Variants in HPR observed in about 807,000 individuals in gnomAD.
The protein encoded by HPR is Haptoglobin-related locus.
Under a neutral mutation model 18.5 loss-of-function variants are expected in HPR, and 17 were observed. The ratio of observed to expected loss-of-function variants is 0.92; its 90% CI spans 0.63 to 1.38. HPR has a LOEUF of 1.38. Among genes scored for constraint, HPR ranks in the 40% most tolerant of loss-of-function variants. The pLI, the probability that HPR is intolerant of heterozygous loss-of-function variation, is 0.00. For missense variants in HPR, 457 were observed against 432.4 expected (o/e 1.06, Z -0.51); for synonymous variants, 176 against 165.0 (o/e 1.07, Z -0.51).
intron 1 of HPR, among the ~76,000 whole-genome samples, chr16:72,073,404 T>C (rs1296656380): frequency 6.6e-5 from 10 of 152,172 alleles, no homozygotes; most frequent in African/African-American, 1.7e-4. Flanking sequence ...TCTTTGATTA[T>C]GGAAAATTTC....
rs1411255144 is a variant in HPR at position 72,076,506 on chromosome 16, G to A, written c.472G>A (p.Asp158Asn). 2 of 1,614,152 alleles carry A rather than the reference G, an allele frequency of 1.2e-6. No homozygotes were observed. The highest frequency in any genetic ancestry group is 1.7e-6 in the Non-Finnish European group (2 of 1,180,000). ...CCATTCAGAAAATGCAACAGCGAAA[G>A]ACATTGCCCCTACTTTAACACTCTA... is the stretch of plus-strand genomic sequence containing the variant. The part of the protein sequence containing the change: ...LNHSENATAK[D>N]IAPTLTLYVG... Residue 158 changes from aspartate (D) to asparagine (N), a missense_variant, in exon 5 of 5, where the codon GAC (aspartate) becomes AAC (asparagine). Physicochemically the swap from Asp to Asn is conservative, Grantham distance 23. Transcript: ENST00000540303.
intron 1 of HPR, among the ~76,000 whole-genome samples, chr16:72,069,619 T>C (rs1437558380): frequency 6.6e-6 from 1 of 152,162 alleles, no homozygotes; most frequent in Non-Finnish European, 1.5e-5. Flanking sequence ...ACACTGGGGA[T>C]CCCAAGCCAT....
At chr16:72,064,338 G>A (rs1467076266) in intron 1 of HPR, among the ~76,000 whole-genome samples, 3 of 152,076 alleles carry the variant, frequency 2.0e-5, no homozygotes, top group Non-Finnish European at 4.4e-5. Flanking sequence ...TTTGTTTCCT[G>A]CTTTCAAGGC....
chr16:72,076,959 G>C lies in HPR; in HGVS notation c.925G>C (p.Asp309His). 6.2e-7 allele frequency: 1 copy of C among 1,614,238 alleles called. No individual in the cohort carries two copies. Among genetic ancestry groups the C allele is most frequent in the South Asian group, 1.1e-5 (1 of 91,086 alleles). ...CTTTGCCGTTCACGACCTGGAGGAG[G>C]ACACCTGGTACGCGGCTGGGATCCT... ...SAFAVHDLEE[D>H]TWYAAGILSF... The change falls in exon 5 of 5, where the codon GAC becomes CAC. Residue 309 changes from aspartate to histidine, a missense_variant. Transcript: ENST00000540303.
chr16:72,073,405 G>C (rs772131081), intron 1 of HPR, among the ~76,000 whole-genome samples: 9 of 152,250 alleles, frequency 5.9e-5, no homozygotes, highest in Admixed American at 1.3e-4. Flanking sequence ...CTTTGATTAT[G>C]GAAAATTTCA....
intron 1 of HPR, among the ~76,000 whole-genome samples, chr16:72,069,407 T>G (rs1016390732): frequency 6.6e-6 from 1 of 152,150 alleles, no homozygotes; most frequent in Non-Finnish European, 1.5e-5. Flanking sequence ...AAGCTGCTGT[T>G]TCCTCCGAAA....
At chr16:72,070,622 T>A (rs1272962296) in intron 1 of HPR, among the ~76,000 whole-genome samples, 2 of 152,200 alleles carry the variant, frequency 1.3e-5, no homozygotes, top group Non-Finnish European at 2.9e-5. Flanking sequence ...AATCACTTGT[T>A]TATTTTTTCT....
intron 1 of HPR, among the ~76,000 whole-genome samples, chr16:72,072,930 T>C (rs2041672769): frequency 6.6e-6 from 1 of 152,234 alleles, no homozygotes; most frequent in African/African-American, 2.4e-5. Flanking sequence ...CTTTGCTCCC[T>C]GCTTTCAAGG....
chr16:72,073,860 G>C, intron 1 of HPR, 32 bp from the exon 2 acceptor site: 1 of 1,613,524 alleles, frequency 6.2e-7, no homozygotes, highest in Non-Finnish European at 8.5e-7. Flanking sequence ...AGGGAGACCA[G>C]CTTTCCGCTC....
chr16:72,068,659 T>C (rs1259069088), intron 1 of HPR, among the ~76,000 whole-genome samples: 1 of 152,184 alleles, frequency 6.6e-6, no homozygotes, highest in Non-Finnish European at 1.5e-5. Flanking sequence ...GCCCATGGCC[T>C]TCCTGTCAAA....
chr16:72,068,182 C>T (rs1167593475), intron 1 of HPR, among the ~76,000 whole-genome samples: 1 of 152,184 alleles, frequency 6.6e-6, no homozygotes, highest in Non-Finnish European at 1.5e-5. Context: ...GAGAAAGAAG[C>T]TGGCTTCTCT....
In HPR at chr16:72,076,564, A is replaced by G. The variant is rs752980517; in HGVS notation, c.530A>G (p.Lys177Arg). The G allele has an allele frequency of 1.2e-6, 2 of 1,614,206 alleles. No homozygotes were observed. The highest frequency in any genetic ancestry group is 2.2e-5 in the East Asian group (1 of 44,890). ...VGKKQLVEIE[K>R]VVLHPNYHQV... ...AAAAAGCAGCTTGTAGAGATTGAGA[A>G]GGTGGTTCTACACCCTAACTACCAC... The change falls in exon 5 of 5, where the codon AAG becomes AGG. Residue 177 changes from lysine (K) to arginine (R), a missense_variant. By Grantham distance (26) the Lys-to-Arg change is conservative. Transcript: ENST00000540303.
rs572704515 is a variant in HPR, at chr16:72,068,626, C to G, written c.6-5266C>G. On this transcript the variant is annotated intron_variant, in intron 1 of 4. Transcript: ENST00000540303. ...TGGGGTGGCTTTAGGGGTGCTTATC[C>G]AAGAGCACAGAGGCTGCTGGCAGCC... 3.3e-5 allele frequency among the ~76,000 whole-genome samples: 5 copies of G among 152,260 alleles called. No homozygotes were observed. The East Asian group carries it at 5.8e-4, about 18-fold the overall frequency.
chr16:72,072,412 C>A (rs1453051794), intron 1 of HPR, among the ~76,000 whole-genome samples: 1 of 152,148 alleles, frequency 6.6e-6, no homozygotes, highest in African/African-American at 2.4e-5. Context: ...AGACATGATA[C>A]CAGCGAAAGA....
intron 3 of HPR, chr16:72,074,840 T>A (rs1237742206): frequency 3.1e-6 from 2 of 646,632 alleles, no homozygotes; most frequent in Non-Finnish European, 5.6e-6. Context: ...GTTGAGTATC[T>A]TGCCCAAATT....
At chr16:72,069,688 G>A (rs1466034350) in intron 1 of HPR, among the ~76,000 whole-genome samples, 1 of 152,202 alleles carries the variant, frequency 6.6e-6, no homozygotes. Flanking sequence ...AGCCAAACAA[G>A]TTACAGATAG....
At chr16:72,064,375 C>G (rs1379530972) in intron 1 of HPR, among the ~76,000 whole-genome samples, 2 of 152,112 alleles carry the variant, frequency 1.3e-5, no homozygotes, top group African/African-American at 4.8e-5. Flanking sequence ...CTGTGTTTCC[C>G]CTACCCTGGT....
intron 1 of HPR, among the ~76,000 whole-genome samples, chr16:72,066,711 A>C (rs2041601987): frequency 6.6e-6 from 1 of 152,188 alleles, no homozygotes; most frequent in South Asian, 2.1e-4. Context: ...TTGTCACTAA[A>C]GGCTGGCCAG....
chr16:72,072,474 T>A (rs1325565184), intron 1 of HPR, among the ~76,000 whole-genome samples: 3 of 152,218 alleles, frequency 2.0e-5, no homozygotes, highest in Admixed American at 6.5e-5. Flanking sequence ...TTATCCCTAA[T>A]AATACTACTC....
Sources: gnomAD v4.1 joint callset for allele counts (sites outside exome capture counted in the v4.1 genomes callset) on GRCh38, gnomAD v4.1.1 for gene constraint, MANE v1.5 for transcripts, NCBI Gene and HGNC (gene_info 2026-07-23, HGNC 2026-07-21) for gene names.